AOPEP: variants seen among roughly 807,000 people sequenced by gnomAD.
AOPEP encodes the protein aminopeptidase O (putative).
AOPEP carries 77 observed loss-of-function variants against 98.1 expected under a neutral mutation model. That is an observed-to-expected ratio of 0.78 (90% CI 0.65 to 0.95). AOPEP has a LOEUF of 0.95. AOPEP is among the 40% of genes least tolerant of loss of function. The pLI is 0.00. For synonymous variants in AOPEP, 346 were observed against 365.3 expected, an observed-to-expected ratio of 0.95 and a Z score of 0.60; for missense variants, 1,024 against 1,024.7, an observed-to-expected ratio of 1.00 and a Z score of 0.01.
intron 7 of AOPEP, chr9:94,933,749 T>G: frequency 1.2e-6 from 1 of 843,898 alleles, no homozygotes; most frequent in Non-Finnish European, 1.4e-6. Context: ...TATTTATTTT[T>G]TTTAATTTTT....
intron 3 of AOPEP, among the ~76,000 whole-genome samples, chr9:94,778,639 C>T (rs932683662): frequency 2.6e-5 from 4 of 152,110 alleles, no homozygotes; most frequent in Non-Finnish European, 5.9e-5. Flanking sequence ...TGCAAGGGTA[C>T]AGCGGAATTT....
At chr9:95,074,601 CTT>C in intron 14 of AOPEP, among the ~76,000 whole-genome samples, 1 of 152,344 alleles carries the variant, frequency 6.6e-6, no homozygotes, top group Middle Eastern at 3.4e-3. Context: ...AAGCAGAACA[CTT>C]TGAACAGCAG....
At chr9:94,931,913 C>CA in intron 7 of AOPEP, 1 of 1,159,214 alleles carries the variant, frequency 8.6e-7, no homozygotes, top group East Asian at 2.6e-5. Context: ...GGCAGGTTAA[C>CA]AGTCTCCACT....
chr9:95,029,012 C>T (rs2064074569), intron 13 of AOPEP, among the ~76,000 whole-genome samples: 1 of 152,236 alleles, frequency 6.6e-6, no homozygotes. Flanking sequence ...GAGGAACGCA[C>T]ATGGGGCAGA....
At chr9:95,048,413 G>A (rs1317056177) in intron 13 of AOPEP, among the ~76,000 whole-genome samples, 1 of 151,952 alleles carries the variant, frequency 6.6e-6, no homozygotes, top group Non-Finnish European at 1.5e-5. Flanking sequence ...CCTAATTGCC[G>A]GGTGGGAGCG....
At chr9:95,101,902 T>G in the AOPEP span, 16 of 1,609,288 alleles carry the variant, frequency 9.9e-6, no homozygotes, top group South Asian at 1.8e-4. Flanking sequence ...CAGACAGATT[T>G]GTCCTTTGTC....
chr9:95,057,302 G>A lies in AOPEP; in HGVS notation c.2116-3392G>A, dbSNP rs549111858. Among the ~76,000 whole-genome samples the A allele has an allele frequency of 9.8e-5, 15 of 152,296 alleles. No homozygotes were observed. The South Asian group carries it at 1.9e-3, about 19-fold the overall frequency. Reference sequence around the variant, plus strand: ...CTGATCTTAAAATAAATAAATAAACGCAGCTGGCCTAGAAGTCATGTGAAG... The same window carrying A: ...CTGATCTTAAAATAAATAAATAAACACAGCTGGCCTAGAAGTCATGTGAAG... On this transcript the variant is annotated intron_variant, in intron 13 of 16. Transcript: ENST00000375315.
chr9:95,053,154 C>T (rs1392201027), intron 13 of AOPEP, among the ~76,000 whole-genome samples: 1 of 151,890 alleles, frequency 6.6e-6, no homozygotes, highest in Non-Finnish European at 1.5e-5. Flanking sequence ...GTAGATCTCT[C>T]TTTTAAGTGA....
the AOPEP span, among the ~76,000 whole-genome samples, chr9:95,116,986 G>C: frequency 6.6e-6 from 1 of 152,228 alleles, no homozygotes; most frequent in South Asian, 2.1e-4. Context: ...TTCTGACTCA[G>C]CCAAGTCTTA....
intron 5 of AOPEP, among the ~76,000 whole-genome samples, chr9:94,885,348 CAAAAAAAAAAAAAAAAAAAAAAAAA>C (rs71366268): frequency 4.4e-4 from 16 of 35,988 alleles, no homozygotes; most frequent in Middle Eastern, 0.026. Flanking sequence ...GATCCTGTCT[CAAAAAAAAAAAAAAAAAAAAAAAAA>C]AAAAAAAAAA....
intron 7 of AOPEP, among the ~76,000 whole-genome samples, chr9:94,942,294 A>G (rs1289027572): frequency 1.3e-5 from 2 of 152,226 alleles, no homozygotes; most frequent in Admixed American, 1.3e-4. Context: ...TGTAACGCCA[A>G]ATTCACTTTG....
intron 4 of AOPEP, among the ~76,000 whole-genome samples, chr9:94,799,027 T>C (rs1847647347): frequency 6.6e-6 from 1 of 152,222 alleles, no homozygotes; most frequent in African/African-American, 2.4e-5. Flanking sequence ...TCCATTTTCT[T>C]ACTCTCCGTT....
At chr9:94,933,931 G>A (rs2137177013) in intron 7 of AOPEP, among the ~76,000 whole-genome samples, 1 of 152,038 alleles carries the variant, frequency 6.6e-6, no homozygotes, top group East Asian at 1.9e-4. Flanking sequence ...TGTGTTTTTA[G>A]TAGAGACGGG....
At chr9:94,788,333 C>T (rs751778086) in intron 3 of AOPEP, among the ~76,000 whole-genome samples, 16 of 152,252 alleles carry the variant, frequency 1.1e-4, no homozygotes, top group South Asian at 2.1e-4. Context: ...TTTACCTAGG[C>T]CTCCCAAAGT....
rs58797875 is a variant in AOPEP at position 95,015,831 on chromosome 9, A to G, written c.2115+10215A>G. On this transcript the variant is annotated intron_variant, in intron 13 of 16. Transcript: ENST00000375315. ...CATAATTTGTATTCTCAAAATCCAG[A>G]TTGCCTTCATGAGCACATACTCAGT... is the stretch of plus-strand genomic sequence containing the variant. Among the ~76,000 whole-genome samples the G allele has an allele frequency of 2.5e-3, 378 of 152,294 alleles. 1 individual carries two copies. The highest frequency in any genetic ancestry group is 8.6e-3 in the African/African-American group (357 of 41,554).
At chr9:95,107,416 A>G in the AOPEP span, 9 of 798,984 alleles carry the variant, frequency 1.1e-5, no homozygotes, top group South Asian at 6.0e-5. Context: ...CCGAATTTAC[A>G]CTCGATTTCA....
At chr9:94,801,077 C>G (rs144309746) in intron 5 of AOPEP, 75 bp downstream of exon 5, 3 of 1,528,374 alleles carry the variant, frequency 2.0e-6, no homozygotes, top group Non-Finnish European at 1.8e-6. Context: ...TTTCCTTGAG[C>G]TCTGTCAGAG....
At chr9:94,763,205 G>T in intron 2 of AOPEP, 1 of 395,436 alleles carries the variant, frequency 2.5e-6, no homozygotes, top group Non-Finnish European at 5.2e-6. Context: ...TTTTGAATTT[G>T]ATCTTCACGT....
the AOPEP span, chr9:95,107,274 G>A: frequency 6.2e-7 from 1 of 1,613,278 alleles, no homozygotes; most frequent in Non-Finnish European, 8.5e-7. Flanking sequence ...CTGGACCTGG[G>A]CAATAGTATT....
Sources: gnomAD v4.1 joint callset for allele counts (sites outside exome capture counted in the v4.1 genomes callset) on GRCh38, gnomAD v4.1.1 for gene constraint, MANE v1.5 for transcripts, NCBI Gene and HGNC (gene_info 2026-07-23, HGNC 2026-07-21) for gene names.